The following RAP1GAP2 variants were observed in gnomAD, a reference collection of about 807,000 sequenced individuals.
RAP1GAP2 encodes the protein rap1 GTPase-activating protein 2.
RAP1GAP2 carries 27 observed loss-of-function variants against 95.0 expected under a neutral mutation model. That is an observed-to-expected ratio of 0.28 (90% CI 0.21 to 0.39). The LOEUF is 0.39. Among genes scored for constraint, RAP1GAP2 ranks in the 10% least tolerant of loss-of-function variants. RAP1GAP2 has a pLI of 1.00. For missense variants in RAP1GAP2, 771 were observed against 970.0 expected (o/e 0.79, Z 2.72); for synonymous variants, 373 against 380.9 (o/e 0.98, Z 0.24).
chr17:2,769,339 A>G (rs1295589539), intron 1 of RAP1GAP2, among the ~76,000 whole-genome samples: 2 of 143,892 alleles, frequency 1.4e-5, no homozygotes, highest in Non-Finnish European at 3.0e-5. Context: ...GCGGATCACG[A>G]GGTCAGGAGA....
At chr17:2,995,552 C>T (rs1038514885) in intron 13 of RAP1GAP2, 86 bp downstream of exon 13, 19 of 1,548,046 alleles carry the variant, frequency 1.2e-5, no homozygotes, top group Admixed American at 7.2e-5. Flanking sequence ...AGGCTGTGGC[C>T]GTCCCCATAT....
intron 2 of RAP1GAP2, among the ~76,000 whole-genome samples, chr17:2,829,102 C>T (rs2070721209): frequency 6.6e-6 from 1 of 151,420 alleles, no homozygotes; most frequent in Non-Finnish European, 1.5e-5. Flanking sequence ...CCTGCCTCAG[C>T]CTTCTGAGTA....
In RAP1GAP2 at chr17:2,981,252, A is replaced by T. The variant is rs2151537392; in HGVS notation, c.729+4A>T. On this transcript the variant is annotated splice_donor_region_variant and intron_variant, in intron 10 of 24. Coordinates refer to ENST00000254695, the MANE Select transcript of RAP1GAP2 (RefSeq NM_015085.5). ...CAATCCTGTCCTGTACCCCAAGGTAAGGACCTTCATGCTCCCAACATAGGG... is the reference window on the plus strand; with the variant it reads ...CAATCCTGTCCTGTACCCCAAGGTATGGACCTTCATGCTCCCAACATAGGG... The T allele has an allele frequency of 6.2e-7, 1 of 1,607,450 alleles. No individual in the cohort carries two copies. Among genetic ancestry groups the T allele is most frequent in the Middle Eastern group, 1.7e-4 (1 of 6,060 alleles).
chr17:2,921,293 T>G (rs2151766161), intron 3 of RAP1GAP2, among the ~76,000 whole-genome samples: 1 of 152,190 alleles, frequency 6.6e-6, no homozygotes, highest in South Asian at 2.1e-4. Flanking sequence ...TTCTGCCTCC[T>G]GGGTTCAAGC....
rs776146779 is a variant in RAP1GAP2 at position 3,030,964 on chromosome 17, G to A, written c.2150G>A (p.Arg717His). The change falls in exon 23 of 25, where the codon CGC becomes CAC. Residue 717 changes from arginine (R) to histidine (H), a missense_variant. Coordinates refer to ENST00000254695, the MANE Select transcript of RAP1GAP2 (RefSeq NM_015085.5). ...RNSPRSNLKFRFDKLSHASSG... is the reference protein window; with the variant it reads ...RNSPRSNLKFHFDKLSHASSG... ...TCCCCGAGATCGAACCTGAAATTCC[G>A]CTTTGACAAGCTCAGCCATGCCAGC... 22 of 1,610,478 alleles carry A rather than the reference G, an allele frequency of 1.4e-5. No individual in the cohort carries two copies. Among genetic ancestry groups the A allele is most frequent in the Middle Eastern group, 1.6e-4 (1 of 6,084 alleles).
At chr17:2,859,669 C>G (rs1048477112) in intron 2 of RAP1GAP2, among the ~76,000 whole-genome samples, 1 of 152,140 alleles carries the variant, frequency 6.6e-6, no homozygotes, top group African/African-American at 2.4e-5. Context: ...CTCCTGGACT[C>G]AAGTGATCTG....
intron 1 of RAP1GAP2, among the ~76,000 whole-genome samples, chr17:2,758,150 T>C (rs192561312): frequency 1.3e-5 from 2 of 149,094 alleles, no homozygotes; most frequent in East Asian, 2.0e-4. Context: ...ATTACAGGCG[T>C]GAGCCACCAC....
rs974778108 is a variant in RAP1GAP2 at position 3,034,687 on chromosome 17, T to C, written c.*1326T>C. On this transcript the variant is annotated 3_prime_UTR_variant, in exon 25 of 25. Transcript: ENST00000254695. The surrounding 1 kb of genome is among the most constrained non-coding windows in gnomAD (Gnocchi z 5.1). ...TGTGACCCACATGCCACCCCCACCC[T>C]CCACAGAGCCCCCTTGCTGGGACAG... 26 of 152,552 alleles carry C rather than the reference T, an allele frequency of 1.7e-4. No homozygotes were observed. Among genetic ancestry groups the C allele is most frequent in the African/African-American group, 6.3e-4 (26 of 41,440 alleles). 9.4% of individuals were successfully genotyped at this position (152,552 alleles called of 1,614,324 possible).
At chr17:2,822,634 T>TG (rs1200384274) in intron 2 of RAP1GAP2, among the ~76,000 whole-genome samples, 38 of 134,058 alleles carry the variant, frequency 2.8e-4, no homozygotes, top group Non-Finnish European at 5.0e-4. Context: ...TTTGTTTTTT[T>TG]TTTTTTTTTT....
At chr17:2,881,259 T>TC (rs2073278017) in intron 2 of RAP1GAP2, among the ~76,000 whole-genome samples, 1 of 131,788 alleles carries the variant, frequency 7.6e-6, no homozygotes, top group South Asian at 2.9e-4. Flanking sequence ...AGACTCTGCC[T>TC]CAAAAAAAAA....
At chr17:2,823,285 G>A (rs2070389784) in intron 2 of RAP1GAP2, among the ~76,000 whole-genome samples, 2 of 152,132 alleles carry the variant, frequency 1.3e-5, no homozygotes, top group Admixed American at 1.3e-4. Context: ...GTCCTGTGGG[G>A]TTTTGGTCTC....
chr17:3,017,977 CTG>C, intron 17 of RAP1GAP2, 82 bp from the exon 18 acceptor site: 1 of 1,400,406 alleles, frequency 7.1e-7, no homozygotes, highest in Non-Finnish European at 9.6e-7. Flanking sequence ...GTGCTGAGGG[CTG>C]TGTCTACAGA....
At chr17:2,981,664 C>T (rs539440342) in intron 10 of RAP1GAP2, among the ~76,000 whole-genome samples, 12 of 152,270 alleles carry the variant, frequency 7.9e-5, no homozygotes, top group African/African-American at 2.9e-4. Context: ...AGACAGCCGC[C>T]CCGCCATTGC....
chr17:3,034,498 C>A lies in RAP1GAP2; in HGVS notation c.*1137C>A. ...TTACGCCCCTGGAGTCTTGGGGGGC[C>A]CAGCCTGGCCCTGGGGCCTTTTCCA... On this transcript the variant is annotated 3_prime_UTR_variant, in exon 25 of 25. Transcript: ENST00000254695. This position sits in a 1 kb window ranked among gnomAD's most constrained non-coding sequence, Gnocchi z 5.1. 6.2e-6 allele frequency: 1 copy of A among 162,366 alleles called. No homozygotes were observed. The allele number at this position is 162,366 out of a possible 1,614,324, so 10.1% of individuals were successfully genotyped here. A position where few individuals can be genotyped will look rare whatever the true frequency, so the allele number is the denominator to read the frequency against.
intron 8 of RAP1GAP2, 33 bp from the exon 9 acceptor site, chr17:2,980,254 T>C: frequency 6.2e-7 from 1 of 1,610,190 alleles, no homozygotes; most frequent in Non-Finnish European, 8.5e-7. Context: ...GACTGTTTCT[T>C]AGGGATGTCC....
At chr17:2,899,015 C>T (rs537718809) in intron 2 of RAP1GAP2, among the ~76,000 whole-genome samples, 3 of 145,930 alleles carry the variant, frequency 2.1e-5, no homozygotes, top group Non-Finnish European at 3.0e-5. Context: ...ACCGTTCTGT[C>T]TGTGGATTTG....
chr17:2,840,024 C>T (rs1212358489), intron 2 of RAP1GAP2, among the ~76,000 whole-genome samples: 2 of 152,012 alleles, frequency 1.3e-5, no homozygotes, highest in Non-Finnish European at 2.9e-5. Flanking sequence ...TCTCAAACTC[C>T]CAACCTCAGG....
chr17:3,024,206 G>A (rs1274391794), intron 19 of RAP1GAP2, among the ~76,000 whole-genome samples: 1 of 152,080 alleles, frequency 6.6e-6, no homozygotes, highest in Non-Finnish European at 1.5e-5. Context: ...GGAGGGGATG[G>A]AGTCTCTGAA....
chr17:2,919,957 T>C (rs1271945117), intron 3 of RAP1GAP2, among the ~76,000 whole-genome samples: 2 of 151,706 alleles, frequency 1.3e-5, no homozygotes, highest in African/African-American at 4.8e-5. Flanking sequence ...CGCCTCGGCC[T>C]CCCAAAGTGC....
Sources: gnomAD v4.1 joint callset for allele counts (sites outside exome capture counted in the v4.1 genomes callset) on GRCh38, gnomAD v4.1.1 for gene constraint, Gnocchi (gnomAD v3.1) non-coding constraint, MANE v1.5 for transcripts, NCBI Gene and HGNC (gene_info 2026-07-23, HGNC 2026-07-21) for gene names.